Variants in ZMYND11 observed in about 807,000 individuals in gnomAD.
ZMYND11 encodes the protein zinc finger MYND domain-containing protein 11.
In ZMYND11, 9 loss-of-function variants were observed where a neutral mutation model predicts 84.9. The observed-to-expected ratio is 0.11, with a 90% CI of 0.06 to 0.18. The LOEUF (loss-of-function observed/expected upper bound fraction) is 0.18, where lower values mean the gene tolerates loss of function less well. ZMYND11 is among the 10% of genes least tolerant of loss of function. The pLI is 1.00. For missense variants in ZMYND11, 409 were observed against 761.0 expected (o/e 0.54, Z 5.44); for synonymous variants, 250 against 244.1 (o/e 1.02, Z -0.23).
chr10:215,036 T>A (rs1315262904), intron 3 of ZMYND11, among the ~76,000 whole-genome samples: 1 of 152,222 alleles, frequency 6.6e-6, no homozygotes, highest in Non-Finnish European at 1.5e-5. Flanking sequence ...ATAAAGCATA[T>A]CAAATAATGT....
intron 1 of ZMYND11, among the ~76,000 whole-genome samples, chr10:158,228 G>A (rs1016381207): frequency 3.9e-5 from 6 of 151,962 alleles, no homozygotes; most frequent in African/African-American, 1.2e-4. Flanking sequence ...CAGTTCTTTC[G>A]TGTATATATG....
At chr10:230,710 G>A (rs766289248) in intron 4 of ZMYND11, among the ~76,000 whole-genome samples, 21 of 152,160 alleles carry the variant, frequency 1.4e-4, no homozygotes, top group Non-Finnish European at 1.8e-4. Context: ...AATTATTTAT[G>A]TTGGTCAGAA....
At chr10:236,812 T>G in intron 4 of ZMYND11, 26 bp from the exon 5 acceptor site, 2 of 1,579,942 alleles carry the variant, frequency 1.3e-6, no homozygotes, top group Non-Finnish European at 1.7e-6. Flanking sequence ...ATTTTGTACC[T>G]TTTTTTATTC....
In ZMYND11 at chr10:248,924, GAA is replaced by G. The variant is rs2131977010; in HGVS notation, c.1525_1526del (p.Lys509GlufsTer6). ...LEKLRSEMEEEKRQAVNKAVA... is the reference protein window; with the variant it reads ...LEKLRSEMEEXKRQAVNKAVA... ...CCAGCTGCGTTCTGAAATGGAAGAA[GAA>G]AAGAGACAAGCTGTAAATAAAGCTG... On this transcript the variant is annotated frameshift_variant, in exon 14 of 15. Coordinates refer to ENST00000381604, the MANE Select transcript of ZMYND11 (RefSeq NM_001370100.5). LOFTEE classifies it high-confidence loss of function. 1 of 1,613,044 alleles carries G rather than the reference GAA, an allele frequency of 6.2e-7. No homozygotes were observed. Among genetic ancestry groups the G allele is most frequent in the Non-Finnish European group, 8.5e-7 (1 of 1,179,414 alleles).
At chr10:195,575 T>C (rs1449628823) in intron 2 of ZMYND11, among the ~76,000 whole-genome samples, 1 of 152,152 alleles carries the variant, frequency 6.6e-6, no homozygotes, top group African/African-American at 2.4e-5. Context: ...TACAAAAGAA[T>C]ACATGCAGTA....
At chr10:249,794 ATTC>A (rs779757632) in intron 14 of ZMYND11, 15 of 972,988 alleles carry the variant, frequency 1.5e-5, no homozygotes, top group Non-Finnish European at 1.6e-5. Context: ...TGATAAACTA[ATTC>A]TTCATTTTAT....
At chr10:200,961 G>A (rs1324307406) in intron 2 of ZMYND11, among the ~76,000 whole-genome samples, 1 of 151,934 alleles carries the variant, frequency 6.6e-6, no homozygotes, top group Non-Finnish European at 1.5e-5. Context: ...TCAGATGTTT[G>A]TGTCATAAAG....
intron 4 of ZMYND11, among the ~76,000 whole-genome samples, chr10:230,575 C>T (rs1948869279): frequency 6.6e-6 from 1 of 150,580 alleles, no homozygotes; most frequent in Non-Finnish European, 1.5e-5. Flanking sequence ...CCAGTAAGTG[C>T]TGTAGGTGGC....
At chr10:170,221 A>G (rs1463273600) in intron 1 of ZMYND11, among the ~76,000 whole-genome samples, 2 of 152,188 alleles carry the variant, frequency 1.3e-5, no homozygotes, top group East Asian at 1.9e-4. Flanking sequence ...TTTCTCAGAC[A>G]AAATTAAGGG....
chr10:214,887 C>T (rs901542609), intron 3 of ZMYND11, among the ~76,000 whole-genome samples: 6 of 152,040 alleles, frequency 3.9e-5, no homozygotes, highest in African/African-American at 1.4e-4. Flanking sequence ...TTTAGCAGCT[C>T]TCTGTGATAA....
intron 4 of ZMYND11, among the ~76,000 whole-genome samples, chr10:224,672 CAT>C (rs1947778571): frequency 6.6e-6 from 1 of 152,170 alleles, no homozygotes; most frequent in African/African-American, 2.4e-5. Flanking sequence ...TCTGTATCCA[CAT>C]GACTTTACAT....
chr10:179,132 A>G (rs1011412748), intron 1 of ZMYND11, among the ~76,000 whole-genome samples: 2 of 152,248 alleles, frequency 1.3e-5, no homozygotes, highest in East Asian at 1.9e-4. Flanking sequence ...TGCGTCCCCA[A>G]TGCTAGGATT....
chr10:145,181 T>TA (rs1554754927), intron 1 of ZMYND11, among the ~76,000 whole-genome samples: 1 of 150,850 alleles, frequency 6.6e-6, no homozygotes, highest in African/African-American at 2.4e-5. Flanking sequence ...TATGTGTATA[T>TA]ATGTGTATAT....
Position 252,515 on chromosome 10 carries a change from C to T in ZMYND11, c.*45C>T, listed in dbSNP as rs753755318. On this transcript the variant is annotated 3_prime_UTR_variant, in exon 15 of 15. Coordinates refer to ENST00000381604, the MANE Select transcript of ZMYND11 (RefSeq NM_001370100.5). The surrounding 1 kb of genome is among the most constrained non-coding windows in gnomAD (Gnocchi z 4.6). The stretch of plus-strand genomic sequence containing the variant: ...CACCCCGATGATTACTCTTTTCAGA[C>T]ACAGCGGTTTTTGTTTCCAAGAAGC... The T allele has an allele frequency of 7.7e-6, 12 of 1,558,302 alleles. No homozygotes were observed. The South Asian group carries it at 1.2e-4, about 15-fold the overall frequency.
In ZMYND11 at chr10:240,835, A is replaced by AG. The variant is rs1950771821; in HGVS notation, c.754-58_754-57insG. The AG allele has an allele frequency of 4.1e-5, 49 of 1,195,748 alleles. 1 individual carries two copies. In the South Asian group the frequency reaches 5.9e-4, roughly 14 times the overall value. The allele number at this position is 1,195,748 out of a possible 1,614,324, so 74.1% of individuals were successfully genotyped here. A position where few individuals can be genotyped will look rare whatever the true frequency, so the allele number is the denominator to read the frequency against. ...GTTAATTTACATGGATACATTTTAT[A>AG]TAGTTTAATGTGTATGTATATTTTA... On this transcript the variant is annotated intron_variant, in intron 8 of 14. Transcript: ENST00000381604.
At position 254,540 on chromosome 10, in the gene ZMYND11, A is replaced by G. The variant is rs535506798; in HGVS notation, c.*2070A>G. 5 of 152,774 alleles carry G rather than the reference A, an allele frequency of 3.3e-5. No homozygotes were observed. Among genetic ancestry groups the G allele is most frequent in the East Asian group, 1.9e-4 (1 of 5,186 alleles). The allele number at this position is 152,774 out of a possible 1,614,324, so 9.5% of individuals were successfully genotyped here. A position where few individuals can be genotyped will look rare whatever the true frequency, so the allele number is the denominator to read the frequency against. On this transcript the variant is annotated 3_prime_UTR_variant, in exon 15 of 15. Coordinates refer to ENST00000381604, the MANE Select transcript of ZMYND11 (RefSeq NM_001370100.5). Reference sequence around the variant, plus strand: ...TTATTCATTGTGGCTGTCCAGTTCTATGATGCATTCTGGCATTTTGTAAGC... The same window carrying G: ...TTATTCATTGTGGCTGTCCAGTTCTGTGATGCATTCTGGCATTTTGTAAGC...
chr10:159,771 G>C (rs148452627), intron 1 of ZMYND11, among the ~76,000 whole-genome samples: 33 of 152,062 alleles, frequency 2.2e-4, no homozygotes, highest in African/African-American at 7.7e-4. Context: ...GGGGTTTTGT[G>C]TTTGTTTGCT....
At chr10:162,791 C>T (rs1021670242) in intron 1 of ZMYND11, among the ~76,000 whole-genome samples, 7 of 152,252 alleles carry the variant, frequency 4.6e-5, no homozygotes, top group Middle Eastern at 3.4e-3. Context: ...CATAAATTTA[C>T]ATGTTTATTG....
intron 1 of ZMYND11, among the ~76,000 whole-genome samples, chr10:159,946 C>G (rs1842601933): frequency 6.6e-6 from 1 of 152,122 alleles, no homozygotes; most frequent in Non-Finnish European, 1.5e-5. Context: ...TGTTTTACCT[C>G]TTTTTTCCAG....
Sources: gnomAD v4.1 joint callset for allele counts (sites outside exome capture counted in the v4.1 genomes callset) on GRCh38, gnomAD v4.1.1 for gene constraint, Gnocchi (gnomAD v3.1) non-coding constraint, MANE v1.5 for transcripts, NCBI Gene and HGNC (gene_info 2026-07-23, HGNC 2026-07-21) for gene names.